RAB39A: variants seen among roughly 807,000 people sequenced by gnomAD.
RAB39A encodes ras-related protein Rab-39A.
RAB39A carries 17 observed loss-of-function variants against 20.9 expected under a neutral mutation model. The observed-to-expected ratio is 0.81, with a 90% CI of 0.56 to 1.22. The LOEUF (loss-of-function observed/expected upper bound fraction) is 1.22, where lower values mean the gene tolerates loss of function less well. Among genes scored for constraint, RAB39A ranks in the 50% most tolerant of loss-of-function variants. The probability of loss-of-function intolerance (pLI) is 0.00; values close to 1 mark genes in which losing one functional copy is unlikely to be tolerated. For synonymous variants in RAB39A, 99 were observed against 103.4 expected (o/e 0.96, Z 0.26); for missense variants, 234 against 270.5 (o/e 0.87, Z 0.95).
At chr11:107,947,686 C>G (rs1351053004) in intron 1 of RAB39A, among the ~76,000 whole-genome samples, 3 of 148,966 alleles carry the variant, frequency 2.0e-5, no homozygotes, top group Non-Finnish European at 4.4e-5. Context: ...AAACAGGACA[C>G]ATTATAAAAA....
At chr11:107,945,297 C>T (rs1359153564) in intron 1 of RAB39A, among the ~76,000 whole-genome samples, 1 of 101,518 alleles carries the variant, frequency 9.9e-6, no homozygotes, top group African/African-American at 4.0e-5. Flanking sequence ...AGCCTGGCAA[C>T]ACAGCAAAAC....
rs1057448709 is a variant in RAB39A, at chr11:107,962,163, T to C, written c.445T>C (p.Cys149Arg). Residue 149 changes from cysteine (C) to arginine (R), a missense_variant, in exon 2 of 2, where the codon TGT (cysteine) becomes CGT (arginine). Cys to Arg is a radical substitution (Grantham distance 180). Transcript: ENST00000320578. ...REEAEKLSAD[C>R]GMKYIETSAK... Reference sequence around the variant, plus strand: ...AGAAGCTGAAAAACTGTCAGCAGACTGTGGAATGAAGTATATAGAAACCTC... The same window carrying C: ...AGAAGCTGAAAAACTGTCAGCAGACCGTGGAATGAAGTATATAGAAACCTC... 3 of 1,614,048 alleles carry C rather than the reference T, an allele frequency of 1.9e-6. No homozygotes were observed. The African/African-American group carries it at 4.0e-5, about 22-fold the overall frequency.
In RAB39A at chr11:107,928,456, G is replaced by A. The variant is rs1591238258; in HGVS notation, c.-113G>A. The A allele has an allele frequency of 1.3e-6, 1 of 746,922 alleles. No homozygotes were observed. The highest frequency in any genetic ancestry group is 1.9e-6 in the Non-Finnish European group (1 of 527,436). The allele number at this position is 746,922 out of a possible 1,614,324, so 46.3% of individuals were successfully genotyped here. A position where few individuals can be genotyped will look rare whatever the true frequency, so the allele number is the denominator to read the frequency against. On this transcript the variant is annotated 5_prime_UTR_variant, in exon 1 of 2. Transcript: ENST00000320578. This position sits in a 1 kb window ranked among gnomAD's most constrained non-coding sequence, Gnocchi z 4.9. ...CACCAGGCGGCGGCCGCAGCCGCAG[G>A]AATATGCTGGAAGGCGGCGGGCGGG...
Position 107,962,692 on chromosome 11 carries a change from G to T in RAB39A, c.*320G>T, listed in dbSNP as rs148219353. Reference sequence around the variant, plus strand: ...TTCTTGACAGTTCAAATGGATTTTTGTGCATATATAGTCAATTGAAAAGAT... The same window carrying T: ...TTCTTGACAGTTCAAATGGATTTTTTTGCATATATAGTCAATTGAAAAGAT... On this transcript the variant is annotated 3_prime_UTR_variant, in exon 2 of 2. Transcript: ENST00000320578. 47 of 213,684 alleles carry T rather than the reference G, an allele frequency of 2.2e-4. No individual in the cohort carries two copies. In the East Asian group the frequency reaches 4.4e-3, roughly 20 times the overall value. The allele number at this position is 213,684 out of a possible 1,614,324, so 13.2% of individuals were successfully genotyped here. A position where few individuals can be genotyped will look rare whatever the true frequency, so the allele number is the denominator to read the frequency against.
At chr11:107,957,612 C>T (rs76779812) in intron 1 of RAB39A, among the ~76,000 whole-genome samples, 6,798 of 152,282 alleles carry the variant, frequency 0.045, 182 homozygotes, top group Middle Eastern at 0.15. Context: ...GAGGGACAAG[C>T]GACTGCTAGG....
Position 107,962,124 on chromosome 11 carries a change from C to CA in RAB39A, c.408dup (p.Val137SerfsTer7). On this transcript the variant is annotated frameshift_variant, in exon 2 of 2. Transcript: ENST00000320578. LOFTEE classifies it high-confidence loss of function. ...TAAATGTGATTTAGCTTCACAACGT[C>CA]AAGTTACAAGGGAAGAAGCTGAAAA... The CA allele has an allele frequency of 1.2e-6, 2 of 1,614,106 alleles. No individual in the cohort carries two copies. Among genetic ancestry groups the CA allele is most frequent in the Non-Finnish European group, 1.7e-6 (2 of 1,180,006 alleles).
chr11:107,948,097 A>G lies in RAB39A; in HGVS notation c.228-13849A>G, dbSNP rs141514647. ...CCTCCCAGGAAGATGGTGAAGGGAG[A>G]TCTTAGGATCACGTGTGTGCTGCAG... On this transcript the variant is annotated intron_variant, in intron 1 of 1. Coordinates refer to ENST00000320578, the MANE Select transcript of RAB39A (RefSeq NM_017516.3). Among the ~76,000 whole-genome samples, 645 of 152,170 alleles carry G rather than the reference A, an allele frequency of 4.2e-3. 5 individuals are homozygous for G. The highest frequency in any genetic ancestry group is 0.014 in the African/African-American group (595 of 41,500).
chr11:107,931,481 C>T (rs539031852), intron 1 of RAB39A, among the ~76,000 whole-genome samples: 2 of 152,266 alleles, frequency 1.3e-5, no homozygotes, highest in East Asian at 3.9e-4. Flanking sequence ...TAGCTACCTC[C>T]AAATACTTGC....
chr11:107,939,114 T>A (rs1260708689), intron 1 of RAB39A, among the ~76,000 whole-genome samples: 1 of 151,368 alleles, frequency 6.6e-6, no homozygotes, highest in Non-Finnish European at 1.5e-5. Context: ...CGTGGTGGCA[T>A]CCACCTGTAA....
At chr11:107,944,116 T>C (rs544655117) in intron 1 of RAB39A, among the ~76,000 whole-genome samples, 2 of 151,644 alleles carry the variant, frequency 1.3e-5, no homozygotes, top group South Asian at 4.2e-4. Context: ...AAAATAATAA[T>C]AGTAGTCCAG....
At position 107,937,264 on chromosome 11, in the gene RAB39A, A is replaced by G. The variant is rs1861203551; in HGVS notation, c.227+8469A>G. 2.6e-5 allele frequency among the ~76,000 whole-genome samples: 4 copies of G among 151,622 alleles called. No individual in the cohort carries two copies. In the South Asian group the frequency reaches 8.3e-4, roughly 32 times the overall value. On this transcript the variant is annotated intron_variant, in intron 1 of 1. Transcript: ENST00000320578. ...ATCCTCTTACCTTAGCCTCCTGAGT[A>G]GCTAGGACTACAAGCACATGCTATG... is the stretch of plus-strand genomic sequence containing the variant.
At position 107,939,028 on chromosome 11, in the gene RAB39A, G is replaced by A. The variant is rs1306111920; in HGVS notation, c.227+10233G>A. Among the ~76,000 whole-genome samples, 5 of 149,996 alleles carry A rather than the reference G, an allele frequency of 3.3e-5. No homozygotes were observed. The East Asian group carries it at 1.0e-3, about 30-fold the overall frequency. ...AGGCCGAGGTAGGCAGATTGCCTGT[G>A]GTCAGGAGTTCAAGACCAGTGTGGC... On this transcript the variant is annotated intron_variant, in intron 1 of 1. Transcript: ENST00000320578.
chr11:107,930,065 C>G (rs933800716), intron 1 of RAB39A, among the ~76,000 whole-genome samples: 1 of 152,156 alleles, frequency 6.6e-6, no homozygotes, highest in Non-Finnish European at 1.5e-5. Context: ...GCTTCCGTTC[C>G]TAGCAATGAT....
chr11:107,951,324 C>G (rs1000933218), intron 1 of RAB39A, among the ~76,000 whole-genome samples: 1 of 152,122 alleles, frequency 6.6e-6, no homozygotes, highest in Non-Finnish European at 1.5e-5. Context: ...CCCAGAAGGG[C>G]AGTAGGAATG....
At chr11:107,935,192 A>G (rs1436101168) in intron 1 of RAB39A, among the ~76,000 whole-genome samples, 2 of 152,152 alleles carry the variant, frequency 1.3e-5, no homozygotes, top group African/African-American at 2.4e-5. Context: ...TCTGCAGTGT[A>G]AAATGAAAGC....
At chr11:107,943,797 A>G (rs949674565) in intron 1 of RAB39A, among the ~76,000 whole-genome samples, 1 of 152,052 alleles carries the variant, frequency 6.6e-6, no homozygotes, top group Non-Finnish European at 1.5e-5. Context: ...TTTCTCTCTT[A>G]TAATAGTAGT....
chr11:107,935,530 A>G (rs570524906), intron 1 of RAB39A, among the ~76,000 whole-genome samples: 1 of 151,844 alleles, frequency 6.6e-6, no homozygotes, highest in Admixed American at 6.6e-5. Flanking sequence ...GCCTGCCACC[A>G]TGCCCGGCTA....
intron 1 of RAB39A, among the ~76,000 whole-genome samples, chr11:107,961,413 CT>C (rs1861494541): frequency 6.6e-6 from 1 of 152,134 alleles, no homozygotes; most frequent in Non-Finnish European, 1.5e-5. Context: ...CCAAAGGCCC[CT>C]CCTCCTAATC....
chr11:107,930,107 T>C (rs1271554554), intron 1 of RAB39A, among the ~76,000 whole-genome samples: 1 of 152,204 alleles, frequency 6.6e-6, no homozygotes, highest in Middle Eastern at 3.2e-3. Flanking sequence ...GTGAACTGCT[T>C]AGCTTGCTTA....
Sources: allele counts gnomAD v4.1 joint callset (sites outside exome capture counted in the v4.1 genomes callset), GRCh38; gene constraint gnomAD v4.1.1; non-coding constraint Gnocchi (gnomAD v3.1); transcripts MANE v1.5; gene names NCBI Gene and HGNC (gene_info 2026-07-23, HGNC 2026-07-21).